SMAD3: variants seen among roughly 807,000 people sequenced by gnomAD.
The protein encoded by SMAD3 is MAD homolog 3.
In SMAD3, 12 loss-of-function variants were observed where a neutral mutation model predicts 51.8. That is an observed-to-expected ratio of 0.23 (90% CI 0.15 to 0.38). The LOEUF (loss-of-function observed/expected upper bound fraction) is 0.38, where lower values mean the gene tolerates loss of function less well. SMAD3 is among the 10% of genes least tolerant of loss of function. The pLI is 1.00. For synonymous variants in SMAD3, 238 were observed against 227.7 expected (o/e 1.05, Z -0.41); for missense variants, 294 against 565.6 (o/e 0.52, Z 4.87).
At position 67,188,570 on chromosome 15, in the gene SMAD3, C is replaced by T. The variant is rs191242189; in HGVS notation, c.1154+1061C>T. Reference sequence around the variant, plus strand: ...CTTTCCACTCACGGACCAAAGTTTGCGGAGAGGCAGGGCTGTGTGCCCCCG... The same window carrying T: ...CTTTCCACTCACGGACCAAAGTTTGTGGAGAGGCAGGGCTGTGTGCCCCCG... On this transcript the variant is annotated intron_variant, in intron 8 of 8. Transcript: ENST00000327367. Among the ~76,000 whole-genome samples, 26 of 152,318 alleles carry T rather than the reference C, an allele frequency of 1.7e-4. No homozygotes were observed. In the East Asian group the frequency reaches 3.7e-3, roughly 21 times the overall value.
intron 5 of SMAD3, among the ~76,000 whole-genome samples, chr15:67,176,121 A>G (rs1262376756): frequency 6.6e-6 from 1 of 152,144 alleles, no homozygotes; most frequent in Non-Finnish European, 1.5e-5. Context: ...ATAGGTTGGA[A>G]TTAGTACCCT....
rs1202901945 is a variant in SMAD3 at position 67,184,873 on chromosome 15, G to A, written c.1009+9G>A. 1 of 1,612,346 alleles carries A rather than the reference G, an allele frequency of 6.2e-7. No individual in the cohort carries two copies. Among genetic ancestry groups the A allele is most frequent in the Non-Finnish European group, 8.5e-7 (1 of 1,179,988 alleles). ...CTGCAAGATCCCACCAGGTAAACGA[G>A]CCGCACAGGCACCCCTGCCTTGAGG... On this transcript the variant is annotated intron_variant, in intron 7 of 8. Transcript: ENST00000327367.
intron 1 of SMAD3, among the ~76,000 whole-genome samples, chr15:67,132,767 T>G (rs770592846): frequency 6.6e-6 from 1 of 152,186 alleles, no homozygotes; most frequent in Non-Finnish European, 1.5e-5. Flanking sequence ...GAAGCCTGCT[T>G]AAATGGATGA....
At chr15:67,125,757 C>G (rs145339999) in intron 1 of SMAD3, 2 of 985,632 alleles carry the variant, frequency 2.0e-6, no homozygotes, top group East Asian at 2.2e-4. Flanking sequence ...GACAGAGGAG[C>G]CTGCTGCTGA....
At chr15:67,077,973 G>A (rs1413060247) in intron 1 of SMAD3, 3 of 152,204 alleles carry the variant, frequency 2.0e-5, no homozygotes, top group African/African-American at 7.2e-5. Context: ...CCACTCTATC[G>A]TTTCTTGTTT....
At chr15:67,124,334 T>A (rs1961335103) in intron 1 of SMAD3, among the ~76,000 whole-genome samples, 1 of 152,116 alleles carries the variant, frequency 6.6e-6, no homozygotes, top group Non-Finnish European at 1.5e-5. Context: ...TGCCCTGAGG[T>A]GTCTAGATGA....
In SMAD3 at chr15:67,192,842, G is replaced by A. The variant is rs1269340502; in HGVS notation, c.*2306G>A. The A allele has an allele frequency of 4.3e-6, 1 of 233,258 alleles. No homozygotes were observed. Among genetic ancestry groups the A allele is most frequent in the Non-Finnish European group, 8.5e-6 (1 of 118,018 alleles). 14.4% of individuals were successfully genotyped at this position (233,258 alleles called of 1,614,324 possible). A position where few individuals can be genotyped will look rare whatever the true frequency, so the allele number is the denominator to read the frequency against. On this transcript the variant is annotated 3_prime_UTR_variant, in exon 9 of 9. Transcript: ENST00000327367. ...ACACGTTTGGCTGCATTTGGATGGTGTCTTAGAACCCTCATTGCTCAGACC... is the reference window on the plus strand; with the variant it reads ...ACACGTTTGGCTGCATTTGGATGGTATCTTAGAACCCTCATTGCTCAGACC...
chr15:67,167,809 G>A (rs1158031186), intron 4 of SMAD3, among the ~76,000 whole-genome samples: 1 of 152,192 alleles, frequency 6.6e-6, no homozygotes, highest in Admixed American at 6.5e-5. Flanking sequence ...ACTGAGTTGT[G>A]TGTGGTTGGG....
intron 1 of SMAD3, among the ~76,000 whole-genome samples, chr15:67,069,713 G>GT (rs11400070): frequency 0.22 from 33,328 of 149,196 alleles, 3,729 homozygotes; most frequent in South Asian, 0.31. Context: ...TGAATCTGAT[G>GT]TTTTTTTTTT....
chr15:67,140,388 T>G (rs373491151), intron 1 of SMAD3, among the ~76,000 whole-genome samples: 8 of 152,192 alleles, frequency 5.3e-5, no homozygotes, highest in African/African-American at 1.9e-4. Flanking sequence ...CTCCTTTAGC[T>G]CTCTTCTTTT....
At chr15:67,070,189 C>G (rs569421408) in intron 1 of SMAD3, among the ~76,000 whole-genome samples, 2 of 152,282 alleles carry the variant, frequency 1.3e-5, no homozygotes, top group Admixed American at 1.3e-4. Context: ...GCACCATGCC[C>G]GTGTGGCCCA....
intron 1 of SMAD3, among the ~76,000 whole-genome samples, chr15:67,162,364 G>A (rs1367195030): frequency 6.6e-6 from 1 of 152,090 alleles, no homozygotes; most frequent in Non-Finnish European, 1.5e-5. Flanking sequence ...TCCTAGGATG[G>A]GCCTCCTTGA....
intron 1 of SMAD3, among the ~76,000 whole-genome samples, chr15:67,113,776 C>T (rs993500433): frequency 1.3e-5 from 2 of 152,330 alleles, no homozygotes; most frequent in Non-Finnish European, 1.5e-5. Flanking sequence ...GAGCTTCTCA[C>T]GCACAGGATC....
intron 1 of SMAD3, among the ~76,000 whole-genome samples, chr15:67,081,527 AC>A (rs1357649727): frequency 6.6e-6 from 1 of 152,116 alleles, no homozygotes. Flanking sequence ...TTGAAACCCA[AC>A]AAATAGCTTC....
intron 4 of SMAD3, among the ~76,000 whole-genome samples, chr15:67,168,344 C>T (rs945528724): frequency 2.6e-5 from 4 of 152,220 alleles, no homozygotes; most frequent in East Asian, 1.9e-4. Context: ...TGAGCACACC[C>T]GGTGAAACAC....
At chr15:67,175,578 G>T (rs1275218632) in intron 5 of SMAD3, among the ~76,000 whole-genome samples, 1 of 152,208 alleles carries the variant, frequency 6.6e-6, no homozygotes, top group Non-Finnish European at 1.5e-5. Flanking sequence ...TCCAAAGGGA[G>T]GACCCTCCCC....
chr15:67,098,764 G>A (rs764148139), intron 1 of SMAD3: 34 of 643,308 alleles, frequency 5.3e-5, no homozygotes, highest in Admixed American at 3.8e-4. Flanking sequence ...CACAGCCCCC[G>A]GAAGGCAGGT....
At chr15:67,071,194 A>G (rs1960044945) in intron 1 of SMAD3, among the ~76,000 whole-genome samples, 1 of 152,224 alleles carries the variant, frequency 6.6e-6, no homozygotes, top group Non-Finnish European at 1.5e-5. Flanking sequence ...TGGAAAACTA[A>G]GAAGGGGACA....
At chr15:67,143,350 C>T (rs1961884328) in intron 1 of SMAD3, among the ~76,000 whole-genome samples, 1 of 152,246 alleles carries the variant, frequency 6.6e-6, no homozygotes, top group African/African-American at 2.4e-5. Context: ...CAAAGGCAGA[C>T]ACCTTTGACA....
Sources: gnomAD v4.1 joint callset for allele counts (sites outside exome capture counted in the v4.1 genomes callset) on GRCh38, gnomAD v4.1.1 for gene constraint, MANE v1.5 for transcripts, NCBI Gene and HGNC (gene_info 2026-07-23, HGNC 2026-07-21) for gene names.